The following ZMYND11 variants were observed in gnomAD, a reference collection of about 807,000 sequenced individuals.
ZMYND11 encodes zinc finger MYND domain-containing protein 11.
In ZMYND11, 9 loss-of-function variants were observed where a neutral mutation model predicts 84.9. That is an observed-to-expected ratio of 0.11 (90% CI 0.06 to 0.18). The LOEUF is 0.18. Among genes scored for constraint, ZMYND11 ranks in the 10% least tolerant of loss-of-function variants. The probability of loss-of-function intolerance (pLI) is 1.00; values close to 1 mark genes in which losing one functional copy is unlikely to be tolerated. For missense variants in ZMYND11, 409 were observed against 761.0 expected, an observed-to-expected ratio of 0.54 and a Z score of 5.44; for synonymous variants, 250 against 244.1, an observed-to-expected ratio of 1.02 and a Z score of -0.23.
intron 1 of ZMYND11, among the ~76,000 whole-genome samples, chr10:145,461 A>G (rs1442109615): frequency 6.6e-6 from 1 of 152,116 alleles, no homozygotes; most frequent in African/African-American, 2.4e-5. Context: ...TAGTACTTAA[A>G]GGAACGTCCG....
intron 1 of ZMYND11, among the ~76,000 whole-genome samples, chr10:177,145 A>C (rs1300986610): frequency 1.3e-5 from 2 of 152,208 alleles, no homozygotes; most frequent in Non-Finnish European, 2.9e-5. Flanking sequence ...CTGGTGTGTA[A>C]CACGCATATA....
chr10:247,240 C>G (rs980784637), intron 11 of ZMYND11, among the ~76,000 whole-genome samples, 158 bp from the exon 12 acceptor site: 2 of 152,144 alleles, frequency 1.3e-5, no homozygotes, highest in African/African-American at 4.8e-5. Flanking sequence ...CCTACAGTTA[C>G]CAGAACAGTA....
intron 2 of ZMYND11, among the ~76,000 whole-genome samples, chr10:182,893 A>G (rs1052872219): frequency 5.9e-5 from 9 of 152,266 alleles, no homozygotes; most frequent in African/African-American, 1.9e-4. Context: ...CCTTAGATTC[A>G]TTTTCAATCA....
chr10:181,888 G>A (rs1466492772), intron 2 of ZMYND11, among the ~76,000 whole-genome samples: 2 of 152,068 alleles, frequency 1.3e-5, no homozygotes, highest in Admixed American at 1.3e-4. Context: ...TGCAAATGAT[G>A]TTGATGTAAA....
At chr10:130,277 T>C (rs1201417124), upstream of ZMYND11, among the ~76,000 whole-genome samples, 2 of 152,162 alleles carry the variant, frequency 1.3e-5, no homozygotes, top group Non-Finnish European at 2.9e-5. Flanking sequence ...CAGCCTGGGT[T>C]GGGCTGCTGG....
intron 10 of ZMYND11, among the ~76,000 whole-genome samples, chr10:242,542 T>G (rs1369569632): frequency 6.6e-6 from 1 of 152,218 alleles, no homozygotes; most frequent in Non-Finnish European, 1.5e-5. Context: ...CTTGTGATCT[T>G]ACAATGTGTG....
chr10:190,496 C>T (rs534288113), intron 2 of ZMYND11, among the ~76,000 whole-genome samples: 38 of 152,326 alleles, frequency 2.5e-4, no homozygotes, highest in African/African-American at 8.9e-4. Context: ...ACTCCTCCTT[C>T]AGGTGTTGGT....
intron 2 of ZMYND11, among the ~76,000 whole-genome samples, chr10:186,815 T>A (rs1199302761): frequency 6.6e-6 from 1 of 152,170 alleles, no homozygotes; most frequent in Non-Finnish European, 1.5e-5. Flanking sequence ...GAATGTTTGT[T>A]CCATCTAATT....
intron 2 of ZMYND11, among the ~76,000 whole-genome samples, chr10:201,596 A>ACACACACACACACACACACACACACC (rs1943162044): frequency 6.7e-6 from 1 of 149,866 alleles, no homozygotes; most frequent in African/African-American, 2.4e-5. Context: ...ACACACACAC[A>ACACACACACACACACACACACACACC]CACACACACA....
intron 5 of ZMYND11, 134 bp from the exon 6 acceptor site, chr10:237,451 T>C: frequency 1.9e-6 from 1 of 517,120 alleles, no homozygotes; most frequent in Non-Finnish European, 3.3e-6. Context: ...AAGACCAGCC[T>C]GGGCAAGATG....
chr10:243,905 C>A (rs1182671346), intron 10 of ZMYND11, among the ~76,000 whole-genome samples: 2 of 152,110 alleles, frequency 1.3e-5, no homozygotes, highest in Non-Finnish European at 2.9e-5. Context: ...TGCAGCAGTC[C>A]TAGAGTAGTC....
At chr10:213,317 T>C (rs951474548) in intron 3 of ZMYND11, among the ~76,000 whole-genome samples, 11 of 152,332 alleles carry the variant, frequency 7.2e-5, no homozygotes, top group African/African-American at 2.6e-4. Context: ...GGCTAATGAT[T>C]GTCCTACATG....
At chr10:134,957 G>GC (rs1835543210), upstream of ZMYND11, 1 of 149,730 alleles carries the variant, frequency 6.7e-6, no homozygotes, top group African/African-American at 2.4e-5. Context: ...CCGGCCGCGC[G>GC]CAAGTCCGGC....
chr10:247,784 G>A (rs1331169979), intron 12 of ZMYND11, among the ~76,000 whole-genome samples: 1 of 152,174 alleles, frequency 6.6e-6, no homozygotes, highest in East Asian at 1.9e-4. Flanking sequence ...TCCTAAGTAT[G>A]ATTAAAAACA....
intron 2 of ZMYND11, among the ~76,000 whole-genome samples, chr10:201,615 A>G (rs1007893919): frequency 2.5e-4 from 9 of 35,658 alleles, no homozygotes; most frequent in Non-Finnish European, 3.7e-4. Flanking sequence ...CATTATATAT[A>G]TATGTATTCG....
At chr10:230,491 AAAAAAAAAAACT>A (rs1451303607) in intron 4 of ZMYND11, among the ~76,000 whole-genome samples, 1 of 150,458 alleles carries the variant, frequency 6.6e-6, no homozygotes, top group African/African-American at 2.4e-5. Flanking sequence ...AAAAAAAAAA[AAAAAAAAAAACT>A]ACAGCCTCCA....
chr10:243,726 G>A lies in ZMYND11; in HGVS notation c.950+1587G>A, dbSNP rs138197548. Among the ~76,000 whole-genome samples, 510 of 152,266 alleles carry A rather than the reference G, an allele frequency of 3.3e-3. 3 individuals are homozygous for A. The highest frequency in any genetic ancestry group is 5.7e-3 in the Non-Finnish European group (390 of 68,006). On this transcript the variant is annotated intron_variant, in intron 10 of 14. Transcript: ENST00000381604. ...TAAAAATATGAAAAATTAGCCATGCGTGGTGGTGTGTGCCTGTAGTCCCAC... is the reference window on the plus strand; with the variant it reads ...TAAAAATATGAAAAATTAGCCATGCATGGTGGTGTGTGCCTGTAGTCCCAC...
intron 1 of ZMYND11, among the ~76,000 whole-genome samples, chr10:165,648 T>C (rs1370972032): frequency 6.6e-6 from 1 of 152,116 alleles, no homozygotes; most frequent in African/African-American, 2.4e-5. Flanking sequence ...ATCTAAGCAT[T>C]ATCCTTGACA....
chr10:221,115 G>T, intron 3 of ZMYND11, 80 bp from the exon 4 acceptor site: 1 of 1,254,650 alleles, frequency 8.0e-7, no homozygotes, highest in Non-Finnish European at 1.1e-6. Flanking sequence ...ACTTCTGATG[G>T]ACATTAGTTT....
Sources: gnomAD v4.1 joint callset for allele counts (sites outside exome capture counted in the v4.1 genomes callset) on GRCh38, gnomAD v4.1.1 for gene constraint, MANE v1.5 for transcripts, NCBI Gene and HGNC (gene_info 2026-07-23, HGNC 2026-07-21) for gene names.